The following CNTN4 variants were observed in gnomAD, a reference collection of about 807,000 sequenced individuals.
The protein encoded by CNTN4 is contactin-4.
CNTN4 carries 77 observed loss-of-function variants against 122.5 expected under a neutral mutation model. The ratio of observed to expected loss-of-function variants is 0.63; its 90% CI spans 0.52 to 0.76. The LOEUF (loss-of-function observed/expected upper bound fraction) is 0.76, where lower values mean the gene tolerates loss of function less well. Ranked by LOEUF, CNTN4 falls within the 30% of genes least tolerant of loss-of-function variation. The pLI is 0.00. For missense variants in CNTN4, 1,256 were observed against 1,259.1 expected (o/e 1.00, Z 0.04); for synonymous variants, 512 against 447.0 (o/e 1.15, Z -1.83).
rs1021090211 is a variant in CNTN4, at chr3:2,385,733, A to G, written c.-89+46500A>G. 6.6e-6 allele frequency among the ~76,000 whole-genome samples: 1 copy of G among 152,070 alleles called. No homozygotes were observed. Among genetic ancestry groups the G allele is most frequent in the African/African-American group, 2.4e-5 (1 of 41,436 alleles). On this transcript the variant is annotated intron_variant, in intron 3 of 24. Coordinates refer to ENST00000418658, the MANE Select transcript of CNTN4 (RefSeq NM_175607.3). The surrounding 1 kb of genome is among the most constrained non-coding windows in gnomAD (Gnocchi z 4.0). The stretch of plus-strand genomic sequence containing the variant: ...TGTGTTCAAATTTTTTCCTCTTCTC[A>G]TAAGGACATAAGTCTTATTGGATAT...
chr3:3,011,415 AT>A (rs1404186270), intron 14 of CNTN4, among the ~76,000 whole-genome samples: 8 of 152,130 alleles, frequency 5.3e-5, no homozygotes, highest in Non-Finnish European at 1.2e-4. Context: ...GTGTCTGATG[AT>A]GTTCAGAGAG....
chr3:2,797,485 C>T (rs1344495642), intron 6 of CNTN4, among the ~76,000 whole-genome samples: 6 of 152,092 alleles, frequency 3.9e-5, no homozygotes, highest in Non-Finnish European at 7.4e-5. Context: ...GTAATCCCAG[C>T]TACTCAGGAG....
chr3:2,563,293 C>T (rs2079032325), intron 3 of CNTN4, among the ~76,000 whole-genome samples: 1 of 152,064 alleles, frequency 6.6e-6, no homozygotes, highest in Non-Finnish European at 1.5e-5. Flanking sequence ...CATGTCAGTG[C>T]ATAAAATATA....
At chr3:2,520,462 G>C (rs140993712) in intron 3 of CNTN4, among the ~76,000 whole-genome samples, 1 of 151,230 alleles carries the variant, frequency 6.6e-6, no homozygotes, top group Non-Finnish European at 1.5e-5. Flanking sequence ...TAGTAGAGAC[G>C]GGGGTTTCAC....
chr3:3,036,297 T>G (rs536950121), intron 17 of CNTN4, among the ~76,000 whole-genome samples: 1 of 152,270 alleles, frequency 6.6e-6, no homozygotes, highest in East Asian at 1.9e-4. Flanking sequence ...TCCTTAGAAA[T>G]GGGTTTCTGT....
intron 3 of CNTN4, among the ~76,000 whole-genome samples, chr3:2,531,378 T>C (rs931301145): frequency 2.0e-5 from 3 of 152,156 alleles, no homozygotes; most frequent in African/African-American, 7.2e-5. Flanking sequence ...ACTCTATAAT[T>C]AGCAGTCTAG....
intron 6 of CNTN4, among the ~76,000 whole-genome samples, chr3:2,805,487 G>C (rs1485501452): frequency 6.6e-6 from 1 of 152,176 alleles, no homozygotes; most frequent in African/African-American, 2.4e-5. Flanking sequence ...CTGGATATTA[G>C]CTTGGCTCAT....
chr3:2,899,075 A>C (rs1411307970), intron 10 of CNTN4, among the ~76,000 whole-genome samples: 1 of 152,200 alleles, frequency 6.6e-6, no homozygotes, highest in Admixed American at 6.5e-5. Context: ...GCATCATCCC[A>C]TCAGTAGAGG....
At chr3:2,981,398 C>CGT (rs1693990689) in intron 13 of CNTN4, among the ~76,000 whole-genome samples, 1 of 151,630 alleles carries the variant, frequency 6.6e-6, no homozygotes, top group African/African-American at 2.4e-5. Context: ...GAGCCGAGAT[C>CGT]GCAGCACTGC....
At chr3:2,806,617 A>G (rs1435494164) in intron 6 of CNTN4, among the ~76,000 whole-genome samples, 1 of 152,352 alleles carries the variant, frequency 6.6e-6, no homozygotes, top group East Asian at 1.9e-4. Context: ...TCAGCAGCTT[A>G]GAAGTTTTGT....
intron 14 of CNTN4, among the ~76,000 whole-genome samples, chr3:3,016,282 G>A (rs9867106): frequency 0.11 from 16,249 of 152,112 alleles, 874 homozygotes; most frequent in South Asian, 0.15. Context: ...GCTTCAAAAA[G>A]AAAATGTGAG....
At chr3:2,158,489 G>C (rs552853021) in intron 2 of CNTN4, among the ~76,000 whole-genome samples, 1 of 152,306 alleles carries the variant, frequency 6.6e-6, no homozygotes, top group African/African-American at 2.4e-5. Context: ...CATTGTAAAT[G>C]CTTACCTCTT....
intron 5 of CNTN4, among the ~76,000 whole-genome samples, chr3:2,740,631 A>G (rs2089406156): frequency 6.8e-6 from 1 of 147,028 alleles, no homozygotes; most frequent in Admixed American, 7.0e-5. Context: ...TATAAATATT[A>G]TGCCTCTATT....
intron 3 of CNTN4, among the ~76,000 whole-genome samples, chr3:2,447,692 T>C (rs886349408): frequency 6.6e-6 from 1 of 152,248 alleles, no homozygotes; most frequent in African/African-American, 2.4e-5. Flanking sequence ...ATATTAAAAA[T>C]GTATATACCT....
chr3:2,892,089 TA>T (rs1229706287), intron 10 of CNTN4: 2 of 152,210 alleles, frequency 1.3e-5, no homozygotes, highest in Non-Finnish European at 2.9e-5. Context: ...GAGATTAAAG[TA>T]ATTGATTTAA....
At chr3:2,977,459 A>G (rs1374268864) in intron 13 of CNTN4, among the ~76,000 whole-genome samples, 2 of 151,968 alleles carry the variant, frequency 1.3e-5, no homozygotes, top group African/African-American at 2.4e-5. Context: ...TCTTTGATAC[A>G]TTACCCATTA....
At chr3:2,981,374 T>G (rs78439638) in intron 13 of CNTN4, among the ~76,000 whole-genome samples, 36,592 of 149,410 alleles carry the variant, frequency 0.24, 4,600 homozygotes, top group East Asian at 0.31. Context: ...AACCCAGGAG[T>G]TGGAGCTTGC....
chr3:2,852,878 A>G (rs2093569492), intron 7 of CNTN4, among the ~76,000 whole-genome samples: 1 of 152,028 alleles, frequency 6.6e-6, no homozygotes, highest in Admixed American at 6.6e-5. Context: ...TTTTCCTTTA[A>G]TTTTTCTTGA....
intron 2 of CNTN4, among the ~76,000 whole-genome samples, chr3:2,309,327 C>A (rs2042831246): frequency 6.6e-6 from 1 of 152,066 alleles, no homozygotes; most frequent in South Asian, 2.1e-4. Flanking sequence ...TTTTAACTTT[C>A]AGCCTGTTTT....
Sources: allele counts gnomAD v4.1 joint callset (sites outside exome capture counted in the v4.1 genomes callset), GRCh38; gene constraint gnomAD v4.1.1; non-coding constraint Gnocchi (gnomAD v3.1); transcripts MANE v1.5; gene names NCBI Gene and HGNC (gene_info 2026-07-23, HGNC 2026-07-21).